DOCK1: variants seen among roughly 807,000 people sequenced by gnomAD.
DOCK1 encodes the protein dedicator of cytokinesis 1, also known as dedicator of cytokinesis protein 1.
DOCK1 carries 138 observed loss-of-function variants against 262.7 expected under a neutral mutation model. The ratio of observed to expected loss-of-function variants is 0.53; its 90% CI spans 0.46 to 0.61. The LOEUF is 0.61. Among genes scored for constraint, DOCK1 ranks in the 20% least tolerant of loss-of-function variants. DOCK1 has a pLI of 0.00. For synonymous variants in DOCK1, 866 were observed against 867.4 expected (o/e 1.00, Z 0.03); for missense variants, 1,908 against 2,370.7 (o/e 0.80, Z 4.05).
chr10:126,945,100 G>A (rs1433150026), intron 1 of DOCK1, among the ~76,000 whole-genome samples: 1 of 152,144 alleles, frequency 6.6e-6, no homozygotes, highest in Non-Finnish European at 1.5e-5. Context: ...GCCTCCCAAA[G>A]TGCTGGGATT....
chr10:126,955,542 G>A (rs1327034803), intron 1 of DOCK1, among the ~76,000 whole-genome samples: 4 of 152,114 alleles, frequency 2.6e-5, no homozygotes, highest in South Asian at 2.1e-4. Context: ...GCCCATGTTC[G>A]GGGCACAAGG....
rs760469931 is a variant in DOCK1 at position 127,257,423 on chromosome 10, A to G, written c.3038A>G (p.Gln1013Arg). 12 of 1,601,510 alleles carry G rather than the reference A, an allele frequency of 7.5e-6. No individual in the cohort carries two copies. The Middle Eastern group carries it at 1.3e-3, about 177-fold the overall frequency. ...PFDWVIMNMV[Q>R]NKVFLRAINQ... is the part of the protein sequence containing the mutation. ...GACTGGGTGATCATGAACATGGTGC[A>G]AAATAAGTAAGTGTGGGGAAAACGG... The change falls in exon 29 of 52, where the codon CAA becomes CGA. Residue 1013 changes from glutamine to arginine, a missense_variant. By Grantham distance (43) the Gln-to-Arg change is conservative. Transcript: ENST00000623213.
intron 1 of DOCK1, among the ~76,000 whole-genome samples, chr10:126,949,118 T>G (rs889957150): frequency 2.6e-5 from 4 of 152,130 alleles, no homozygotes; most frequent in Non-Finnish European, 5.9e-5. Flanking sequence ...CTGCCCTTGC[T>G]GCCTGCCTGG....
chr10:127,087,677 A>G (rs1273274634), intron 23 of DOCK1, among the ~76,000 whole-genome samples: 1 of 152,150 alleles, frequency 6.6e-6, no homozygotes, highest in Non-Finnish European at 1.5e-5. Flanking sequence ...AGCCTTGATG[A>G]GGTTACTCTG....
At chr10:127,153,935 G>T in intron 27 of DOCK1, 1 of 1,609,500 alleles carries the variant, frequency 6.2e-7, no homozygotes, top group Non-Finnish European at 8.5e-7. Context: ...TACAAGATAA[G>T]AACAGGAGAG....
intron 2 of DOCK1, 134 bp from the exon 3 acceptor site, chr10:126,977,814 G>A (rs2038661659): frequency 1.2e-6 from 1 of 854,134 alleles, no homozygotes; most frequent in Non-Finnish European, 1.9e-6. Flanking sequence ...AAAGCCTTAG[G>A]TTCACTGAAA....
intron 25 of DOCK1, 124 bp from the exon 26 acceptor site, chr10:127,125,350 A>T (rs1057081645): frequency 1.5e-6 from 2 of 1,343,040 alleles, no homozygotes; most frequent in African/African-American, 2.9e-5. Flanking sequence ...CCCCCTCCAG[A>T]TGTCAGTTCC....
At position 127,434,575 on chromosome 10, in the gene DOCK1, C is replaced by T. The variant is rs372858346; in HGVS notation, c.5060+1147C>T. On this transcript the variant is annotated intron_variant, in intron 48 of 51. Transcript: ENST00000623213. ...CTGTACCCATTTAACAACAATTCCC[C>T]ACTCTTTACCTCCCATATTGATTAA... Among the ~76,000 whole-genome samples, 45 of 152,278 alleles carry T rather than the reference C, an allele frequency of 3.0e-4. No individual in the cohort carries two copies. The South Asian group carries it at 9.3e-3, about 32-fold the overall frequency.
intron 7 of DOCK1, among the ~76,000 whole-genome samples, chr10:126,997,631 G>GTATA (rs138979268): frequency 2.0e-5 from 3 of 151,600 alleles, no homozygotes; most frequent in African/African-American, 7.3e-5. Flanking sequence ...CCTCCCACCA[G>GTATA]TATATATATA....
At chr10:126,986,145 A>G (rs575032357) in intron 4 of DOCK1, among the ~76,000 whole-genome samples, 1 of 152,194 alleles carries the variant, frequency 6.6e-6, no homozygotes, top group East Asian at 1.9e-4. Context: ...CACCCAGCCC[A>G]AAGGGTCATT....
At chr10:127,037,693 A>G (rs1439354894) in intron 18 of DOCK1, 26 bp from the exon 19 acceptor site, 15 of 1,551,182 alleles carry the variant, frequency 9.7e-6, no homozygotes, top group Middle Eastern at 1.7e-4. Flanking sequence ...GCTTGTGAAG[A>G]TCTGATTGTC....
At chr10:127,004,909 G>C (rs2040898938) in intron 10 of DOCK1, among the ~76,000 whole-genome samples, 1 of 152,120 alleles carries the variant, frequency 6.6e-6, no homozygotes, top group East Asian at 1.9e-4. Context: ...GCTGCCACCA[G>C]ACTACCTTGC....
At chr10:127,447,167 C>A (rs1427457893) in intron 50 of DOCK1, among the ~76,000 whole-genome samples, 1 of 152,182 alleles carries the variant, frequency 6.6e-6, no homozygotes, top group South Asian at 2.1e-4. Flanking sequence ...TTTTAGTGTT[C>A]GTGTGATACT....
intron 1 of DOCK1, among the ~76,000 whole-genome samples, chr10:126,910,309 T>G (rs982404584): frequency 6.6e-6 from 1 of 152,170 alleles, no homozygotes; most frequent in Non-Finnish European, 1.5e-5. Context: ...ATTGTCTTAG[T>G]GTGTGTCAAT....
At position 127,031,734 on chromosome 10, in the gene DOCK1, A is replaced by G; in HGVS notation, c.1709A>G (p.His570Arg). The G allele has an allele frequency of 2.5e-6, 4 of 1,613,274 alleles. No individual in the cohort carries two copies. The highest frequency in any genetic ancestry group is 3.4e-6 in the Non-Finnish European group (4 of 1,179,728). The stretch of plus-strand genomic sequence containing the variant: ...GGTACCACCCTGCGAGACGGAGAGC[A>G]CGATCTTATCGTCTATAAGGTATCT... ...YDGTTLRDGE[H>R]DLIVYKAEAK... The change falls in exon 17 of 52, where the codon CAC (histidine) becomes CGC (arginine). Residue 570 changes from histidine to arginine, a missense_variant. His to Arg is a conservative substitution (Grantham distance 29, BLOSUM62 0). Coordinates refer to ENST00000623213, the MANE Select transcript of DOCK1 (RefSeq NM_001290223.2).
At chr10:127,407,638 T>C (rs887363725) in intron 40 of DOCK1, among the ~76,000 whole-genome samples, 3 of 152,206 alleles carry the variant, frequency 2.0e-5, no homozygotes, top group African/African-American at 7.2e-5. Flanking sequence ...TGTAAAAATA[T>C]GCAGCAAAAT....
At chr10:127,106,087 T>C (rs2048512703) in intron 23 of DOCK1, 144 bp from the exon 24 acceptor site, 1 of 808,086 alleles carries the variant, frequency 1.2e-6, no homozygotes, top group African/African-American at 1.7e-5. Flanking sequence ...TGCTCTATTT[T>C]CATCGTGTTA....
At chr10:127,068,496 A>G (rs907474668) in intron 23 of DOCK1, among the ~76,000 whole-genome samples, 33 of 97,570 alleles carry the variant, frequency 3.4e-4, no homozygotes, top group African/African-American at 1.3e-3. Context: ...CCAGATTTTC[A>G]TAAAGGTATC....
intron 1 of DOCK1, among the ~76,000 whole-genome samples, chr10:126,920,721 T>C (rs189511031): frequency 1.4e-4 from 22 of 152,358 alleles, no homozygotes; most frequent in African/African-American, 5.3e-4. Context: ...GGATACTATG[T>C]TAAGACATTA....
Sources: allele counts gnomAD v4.1 joint callset (sites outside exome capture counted in the v4.1 genomes callset), GRCh38; gene constraint gnomAD v4.1.1; transcripts MANE v1.5; gene names NCBI Gene and HGNC (gene_info 2026-07-23, HGNC 2026-07-21).